PTPRN2: variants seen among roughly 807,000 people sequenced by gnomAD.
PTPRN2 encodes receptor-type tyrosine-protein phosphatase N2.
In PTPRN2, 74 loss-of-function variants were observed where a neutral mutation model predicts 118.8. The ratio of observed to expected loss-of-function variants is 0.62; its 90% confidence interval spans 0.52 to 0.76. The LOEUF (loss-of-function observed/expected upper bound fraction) is 0.76. Ranked by LOEUF, PTPRN2 falls within the 30% of genes least tolerant of loss-of-function variation. PTPRN2 has a pLI of 0.00. For synonymous variants in PTPRN2, 641 were observed against 608.0 expected (o/e 1.05, Z -0.80); for missense variants, 1,481 against 1,394.4 (o/e 1.06, Z -0.99).
chr7:157,896,794 T>A (rs1327973879), intron 12 of PTPRN2, among the ~76,000 whole-genome samples: 1 of 152,198 alleles, frequency 6.6e-6, no homozygotes, highest in African/African-American at 2.4e-5. Context: ...GCCCAGTCAG[T>A]GGCTCCACCT....
chr7:157,699,943 G>C (rs1797987112), intron 12 of PTPRN2, among the ~76,000 whole-genome samples: 1 of 152,196 alleles, frequency 6.6e-6, no homozygotes, highest in Admixed American at 6.5e-5. Flanking sequence ...ACAGGGTGCT[G>C]TCAGGTACTG....
intron 2 of PTPRN2, among the ~76,000 whole-genome samples, chr7:158,386,007 G>A (rs1277088667): frequency 8.3e-4 from 89 of 107,736 alleles, no homozygotes; most frequent in Non-Finnish European, 1.2e-3. Context: ...CCCTCCTCCC[G>A]TGCCCCAAGT....
intron 12 of PTPRN2, among the ~76,000 whole-genome samples, chr7:157,790,110 GGTGGTGTGTGT>G (rs1277288424): frequency 1.2e-4 from 16 of 134,662 alleles, no homozygotes; most frequent in East Asian, 2.4e-4. Flanking sequence ...ATGTGTGTAT[GGTGGTGTGTGT>G]GTGGTGTGTG....
chr7:158,579,062 C>T (rs1339026667), intron 1 of PTPRN2, among the ~76,000 whole-genome samples: 1 of 152,154 alleles, frequency 6.6e-6, no homozygotes, highest in Non-Finnish European at 1.5e-5. Flanking sequence ...TGCGCCTGGC[C>T]AAGTCCCACT....
intron 5 of PTPRN2, among the ~76,000 whole-genome samples, chr7:158,186,212 T>C (rs1825116364): frequency 6.6e-6 from 1 of 152,224 alleles, no homozygotes; most frequent in African/African-American, 2.4e-5. Context: ...CCAATGCGCA[T>C]GAAAGAAGCT....
intron 9 of PTPRN2, among the ~76,000 whole-genome samples, chr7:158,133,322 C>T (rs1274369939): frequency 6.6e-6 from 1 of 152,244 alleles, no homozygotes; most frequent in Non-Finnish European, 1.5e-5. Flanking sequence ...CCCGAGACCC[C>T]ACCCTGCCTG....
chr7:157,569,284 G>A (rs572885113), intron 20 of PTPRN2, among the ~76,000 whole-genome samples: 65 of 152,380 alleles, frequency 4.3e-4, no homozygotes, highest in African/African-American at 1.5e-3. Context: ...AATGAACTAA[G>A]CGTTTGACTG....
At chr7:157,817,383 G>A (rs1035827111) in intron 12 of PTPRN2, among the ~76,000 whole-genome samples, 9 of 152,154 alleles carry the variant, frequency 5.9e-5, no homozygotes, top group African/African-American at 1.9e-4. Flanking sequence ...CCCAGCAGGA[G>A]AACAGGGAGC....
At chr7:158,337,410 C>T (rs1229894386) in intron 2 of PTPRN2, among the ~76,000 whole-genome samples, 1 of 143,134 alleles carries the variant, frequency 7.0e-6, no homozygotes, top group African/African-American at 2.6e-5. Context: ...AGACGTCCCT[C>T]ACACCCACAC....
intron 3 of PTPRN2, among the ~76,000 whole-genome samples, chr7:158,206,525 G>A (rs1361751779): frequency 6.6e-6 from 1 of 152,128 alleles, no homozygotes; most frequent in African/African-American, 2.4e-5. Context: ...GGCCACAGAG[G>A]TGCTTGTGTC....
intron 12 of PTPRN2, among the ~76,000 whole-genome samples, chr7:157,883,782 C>CA (rs1796302552): frequency 6.7e-6 from 1 of 150,284 alleles, no homozygotes; most frequent in Admixed American, 6.6e-5. Flanking sequence ...ACGCACCACC[C>CA]AAAAAATGAC....
Position 157,571,500 on chromosome 7 carries a change from TA to T in PTPRN2, c.2784-8del, listed in dbSNP as rs768632384. On this transcript the variant is annotated splice_region_variant and splice_polypyrimidine_tract_variant and intron_variant, in intron 19 of 22. Coordinates refer to ENST00000389418, the MANE Select transcript of PTPRN2 (RefSeq NM_002847.5). ...GTAGCACTTGTTTACTTTTCTGAAATAAAAAGAGATATAAAAATTATCGTTG... is the reference window on the plus strand; with the variant it reads ...GTAGCACTTGTTTACTTTTCTGAAATAAAAGAGATATAAAAATTATCGTTG... 11 of 1,598,828 alleles carry T rather than the reference TA, an allele frequency of 6.9e-6. No individual in the cohort carries two copies. The African/African-American group carries it at 1.5e-4, about 21-fold the overall frequency.
chr7:158,041,739 G>T (rs745667673), intron 11 of PTPRN2, among the ~76,000 whole-genome samples: 1 of 152,122 alleles, frequency 6.6e-6, no homozygotes, highest in Non-Finnish European at 1.5e-5. Flanking sequence ...AAAATCTATG[G>T]CCAAAGAGAA....
In PTPRN2 at chr7:157,763,687, C is replaced by T. The variant is rs1227432243; in HGVS notation, c.1789-80750G>A. On this transcript the variant is annotated intron_variant, in intron 12 of 22. Coordinates refer to ENST00000389418, the MANE Select transcript of PTPRN2 (RefSeq NM_002847.5). This position sits in a 1 kb window ranked among gnomAD's most constrained non-coding sequence, Gnocchi z 4.9. ...TTTCCTCTTCATTCGGAATTAATTC[C>T]TCCCTTGGATGCTGAGGGCTGGTGG... is the stretch of plus-strand genomic sequence containing the variant. 1.3e-5 allele frequency among the ~76,000 whole-genome samples: 2 copies of T among 152,036 alleles called. No homozygotes were observed. Among genetic ancestry groups the T allele is most frequent in the African/African-American group, 4.8e-5 (2 of 41,390 alleles).
chr7:158,364,456 G>GT (rs1426171145), intron 2 of PTPRN2, among the ~76,000 whole-genome samples: 1 of 151,858 alleles, frequency 6.6e-6, no homozygotes, highest in African/African-American at 2.4e-5. Context: ...TCGTATTCAG[G>GT]TAAGTGTGAC....
At chr7:158,469,768 G>A (rs1819708731) in intron 2 of PTPRN2, among the ~76,000 whole-genome samples, 3 of 151,372 alleles carry the variant, frequency 2.0e-5, no homozygotes, top group Admixed American at 6.6e-5. Flanking sequence ...AAAGAATTGG[G>A]AGCTGGGATT....
At chr7:158,053,972 ACC>A (rs1809564046) in intron 11 of PTPRN2, among the ~76,000 whole-genome samples, 1 of 150,254 alleles carries the variant, frequency 6.7e-6, no homozygotes, top group Admixed American at 6.6e-5. Context: ...AGATGCAGAG[ACC>A]CTAGAGACGC....
chr7:157,654,132 C>CTG (rs1563307562), intron 14 of PTPRN2, among the ~76,000 whole-genome samples: 1 of 80,890 alleles, frequency 1.2e-5, no homozygotes, highest in Non-Finnish European at 2.4e-5. Context: ...CAACTCCACA[C>CTG]TGCCCGCCAC....
At chr7:157,614,330 G>T (rs1802616365) in intron 15 of PTPRN2, among the ~76,000 whole-genome samples, 1 of 152,108 alleles carries the variant, frequency 6.6e-6, no homozygotes, top group African/African-American at 2.4e-5. Flanking sequence ...GCTTCTCGTG[G>T]GCTTGCAGAG....
Sources: allele counts gnomAD v4.1 joint callset (sites outside exome capture counted in the v4.1 genomes callset), GRCh38; gene constraint gnomAD v4.1.1; non-coding constraint Gnocchi (gnomAD v3.1); transcripts MANE v1.5; gene names NCBI Gene and HGNC (gene_info 2026-07-23, HGNC 2026-07-21).